The following ARHGEF26 variants were observed in gnomAD, a reference collection of about 807,000 sequenced individuals.
ARHGEF26 encodes Rho guanine nucleotide exchange factor (GEF) 26.
ARHGEF26 carries 59 observed loss-of-function variants against 89.4 expected under a neutral mutation model. The ratio of observed to expected loss-of-function variants is 0.66; its 90% CI spans 0.54 to 0.82. The LOEUF is 0.82. Ranked by LOEUF, ARHGEF26 falls within the 40% of genes least tolerant of loss-of-function variation. The probability of loss-of-function intolerance (pLI) is 0.00; values close to 1 mark genes in which losing one functional copy is unlikely to be tolerated. For missense variants in ARHGEF26, 1,234 were observed against 1,085.6 expected, an observed-to-expected ratio of 1.14 and a Z score of -1.92; for synonymous variants, 500 against 428.4, an observed-to-expected ratio of 1.17 and a Z score of -2.06.
At chr3:154,179,842 T>A (rs926877247) in intron 6 of ARHGEF26, among the ~76,000 whole-genome samples, 2 of 152,198 alleles carry the variant, frequency 1.3e-5, no homozygotes, top group Non-Finnish European at 2.9e-5. Context: ...AGTTTTCTAT[T>A]GCTGCTATAA....
chr3:154,139,558 A>T (rs77656115), intron 4 of ARHGEF26, among the ~76,000 whole-genome samples: 1 of 152,116 alleles, frequency 6.6e-6, no homozygotes, highest in African/African-American at 2.4e-5. Context: ...AGATTCATCT[A>T]TGGGATTCTT....
chr3:154,171,312 A>G (rs1273109572), intron 6 of ARHGEF26, among the ~76,000 whole-genome samples: 1 of 152,180 alleles, frequency 6.6e-6, no homozygotes, highest in Non-Finnish European at 1.5e-5. Context: ...CCTACTATCA[A>G]CATCCCACAT....
chr3:154,187,531 A>T (rs191762970), intron 6 of ARHGEF26, among the ~76,000 whole-genome samples, 154 bp from the exon 7 acceptor site: 1 of 152,184 alleles, frequency 6.6e-6, no homozygotes, highest in African/African-American at 2.4e-5. Flanking sequence ...TTAAACTTAG[A>T]TAAAATTTTT....
intron 9 of ARHGEF26, among the ~76,000 whole-genome samples, chr3:154,205,490 T>G (rs938988834): frequency 2.0e-5 from 3 of 152,150 alleles, no homozygotes; most frequent in Admixed American, 6.6e-5. Flanking sequence ...GATTAGAGAG[T>G]TTAGTCCATT....
chr3:154,239,249 CGAGAGAGAGAGGGA>C (rs1223185125), intron 11 of ARHGEF26, among the ~76,000 whole-genome samples: 9 of 63,390 alleles, frequency 1.4e-4, no homozygotes, highest in Non-Finnish European at 2.2e-4. Flanking sequence ...TGTAAATGAC[CGAGAGAGAGAGGGA>C]GAGAGAGAGA....
intron 13 of ARHGEF26, 36 bp from the exon 14 acceptor site, chr3:154,254,684 C>A (rs912599473): frequency 6.5e-7 from 1 of 1,534,184 alleles, no homozygotes; most frequent in Non-Finnish European, 9.0e-7. Context: ...TTTTTCTCTG[C>A]TACTGGAAAC....
At position 154,202,100 on chromosome 3, in the gene ARHGEF26, A is replaced by G. The variant is rs572872300; in HGVS notation, c.1845+7382A>G. Among the ~76,000 whole-genome samples, 925 of 152,244 alleles carry G rather than the reference A, an allele frequency of 6.1e-3. 7 individuals carry two copies. Among genetic ancestry groups the G allele is most frequent in the Non-Finnish European group, 8.6e-3 (587 of 68,018 alleles). On this transcript the variant is annotated intron_variant, in intron 9 of 14. Coordinates refer to ENST00000465093, the MANE Select transcript of ARHGEF26 (RefSeq NM_015595.4). ...TGCCCATGCCTATGTCCTGAATGGTATTGCCTAGGTTTTCTTCTAGAGTTT... is the reference window on the plus strand; with the variant it reads ...TGCCCATGCCTATGTCCTGAATGGTGTTGCCTAGGTTTTCTTCTAGAGTTT...
chr3:154,168,077 T>C (rs1358283108), intron 6 of ARHGEF26, among the ~76,000 whole-genome samples: 1 of 152,250 alleles, frequency 6.6e-6, no homozygotes, highest in Non-Finnish European at 1.5e-5. Context: ...CTCTTTCACT[T>C]TGTTCTGTGA....
intron 11 of ARHGEF26, among the ~76,000 whole-genome samples, chr3:154,234,472 C>G (rs1716990339): frequency 6.6e-6 from 1 of 152,172 alleles, no homozygotes; most frequent in Admixed American, 6.5e-5. Context: ...CTTCACAACT[C>G]TTTATGTACC....
intron 4 of ARHGEF26, among the ~76,000 whole-genome samples, chr3:154,148,282 G>A (rs949429256): frequency 2.6e-5 from 4 of 152,104 alleles, no homozygotes; most frequent in African/African-American, 4.8e-5. Context: ...AAGGCTTCCC[G>A]GAATCTCTTT....
intron 6 of ARHGEF26, among the ~76,000 whole-genome samples, chr3:154,174,955 A>G (rs183334976): frequency 4.6e-5 from 7 of 152,304 alleles, no homozygotes; most frequent in Admixed American, 2.0e-4. Flanking sequence ...GATGGAGACT[A>G]TTTTTATGTT....
intron 9 of ARHGEF26, among the ~76,000 whole-genome samples, chr3:154,213,237 G>GTATATATA: frequency 7.7e-6 from 1 of 129,874 alleles, no homozygotes; most frequent in South Asian, 3.1e-4. Flanking sequence ...GTGTGTGTGT[G>GTATATATA]TGTGTATATA....
chr3:154,246,015 G>T (rs977905811), intron 12 of ARHGEF26, among the ~76,000 whole-genome samples: 3 of 152,168 alleles, frequency 2.0e-5, no homozygotes, highest in Non-Finnish European at 4.4e-5. Context: ...TGATGGGAAA[G>T]TATTTCTTCA....
At chr3:154,230,350 A>T (rs1716758652) in intron 11 of ARHGEF26, among the ~76,000 whole-genome samples, 1 of 152,238 alleles carries the variant, frequency 6.6e-6, no homozygotes, top group Non-Finnish European at 1.5e-5. Flanking sequence ...CTTTCAGCAG[A>T]GCCAGGATTC....
In ARHGEF26 at chr3:154,122,302, G is replaced by C; in HGVS notation, c.310G>C (p.Ala104Pro). The C allele has an allele frequency of 6.2e-7, 1 of 1,612,730 alleles. No homozygotes were observed. Among genetic ancestry groups the C allele is most frequent in the South Asian group, 1.1e-5 (1 of 91,070 alleles). Residue 104 changes from alanine to proline, a missense_variant, in exon 2 of 15, where the codon GCC (alanine) becomes CCC (proline). Transcript: ENST00000465093. ...GGTASPEYRA[A>P]SPRLRRPKSP... Reference sequence around the variant, plus strand: ...GACGGCATCCCCGGAGTACAGGGCTGCCTCTCCTCGACTTCGACGGCCCAA... The same window carrying C: ...GACGGCATCCCCGGAGTACAGGGCTCCCTCTCCTCGACTTCGACGGCCCAA...
Position 154,130,057 on chromosome 3 carries a change from A to C in ARHGEF26, c.1269+338A>C, listed in dbSNP as rs117724151. 5.3e-5 allele frequency among the ~76,000 whole-genome samples: 8 copies of C among 150,966 alleles called. No individual in the cohort carries two copies. In the East Asian group the frequency reaches 1.4e-3, roughly 26 times the overall value. On this transcript the variant is annotated intron_variant, in intron 4 of 14. Coordinates refer to ENST00000465093, the MANE Select transcript of ARHGEF26 (RefSeq NM_015595.4). ...TTTACATATATATGCGTGTGTGTTT[A>C]TGTATGTATGCGTGTATATGTACAT...
At chr3:154,155,441 G>T (rs1465762255) in intron 6 of ARHGEF26, among the ~76,000 whole-genome samples, 1 of 151,844 alleles carries the variant, frequency 6.6e-6, no homozygotes, top group African/African-American at 2.4e-5. Flanking sequence ...AGAAGGAGAG[G>T]GAAAACGTAT....
In ARHGEF26 at chr3:154,213,239, G is replaced by GTATA. The variant is rs1227037124; in HGVS notation, c.1846-4629_1846-4628insATAT. Among the ~76,000 whole-genome samples the GTATA allele has an allele frequency of 9.6e-3, 1,253 of 129,920 alleles. 12 individuals carry two copies. The highest frequency in any genetic ancestry group is 0.031 in the African/African-American group (1,195 of 38,548). 85.2% of individuals were successfully genotyped at this position (129,920 alleles called of 152,430 possible). On this transcript the variant is annotated intron_variant, in intron 9 of 14. Coordinates refer to ENST00000465093, the MANE Select transcript of ARHGEF26 (RefSeq NM_015595.4). The stretch of plus-strand genomic sequence containing the variant: ...AGAGTGTGTGTGTGTGTGTGTGTGT[G>GTATA]TGTATATATATATATATGCTTTTGT...
At chr3:154,200,667 TTTTAATTTAATAA>T (rs1344718588) in intron 9 of ARHGEF26, among the ~76,000 whole-genome samples, 2 of 151,544 alleles carry the variant, frequency 1.3e-5, no homozygotes, top group African/African-American at 2.4e-5. Flanking sequence ...TTTTTAATAA[TTTTAATTTAATAA>T]TTTAATTTAA....
Sources: allele counts gnomAD v4.1 joint callset (sites outside exome capture counted in the v4.1 genomes callset), GRCh38; gene constraint gnomAD v4.1.1; transcripts MANE v1.5; gene names NCBI Gene and HGNC (gene_info 2026-07-23, HGNC 2026-07-21).